Variants in CMTM4 observed in about 807,000 individuals in gnomAD.
CMTM4 encodes CKLF like MARVEL transmembrane domain containing 4, also known as CKLF-like MARVEL transmembrane domain-containing protein 4.
Under a neutral mutation model 19.0 loss-of-function variants are expected in CMTM4, and 8 were observed. The ratio of observed to expected loss-of-function variants is 0.42; its 90% CI spans 0.25 to 0.76. The LOEUF is 0.76. Ranked by LOEUF, CMTM4 falls within the 30% of genes least tolerant of loss-of-function variation. The pLI, the probability that CMTM4 is intolerant of heterozygous loss-of-function variation, is 0.27. For missense variants in CMTM4, 228 were observed against 290.2 expected, an observed-to-expected ratio of 0.79 and a Z score of 1.56; for synonymous variants, 106 against 121.1, an observed-to-expected ratio of 0.88 and a Z score of 0.82.
intron 1 of CMTM4, among the ~76,000 whole-genome samples, chr16:66,680,616 T>C (rs919187018): frequency 6.7e-6 from 1 of 149,510 alleles, no homozygotes; most frequent in African/African-American, 2.5e-5. Flanking sequence ...CTACTAAAAA[T>C]ACAAAATATT....
At position 66,621,236 on chromosome 16, in the gene CMTM4, G is replaced by T; in HGVS notation, c.*822C>A. On this transcript the variant is annotated 3_prime_UTR_variant, in exon 4 of 4. Transcript: ENST00000394106. ...TGCGGTTCATGAAGCCAGCAAATGG[G>T]CAAGTGCTTTGGCTGGTGGAGTAGG... is the stretch of plus-strand genomic sequence containing the variant. 1.0e-6 allele frequency: 1 copy of T among 985,586 alleles called. No homozygotes were observed. Among genetic ancestry groups the T allele is most frequent in the Non-Finnish European group, 1.2e-6 (1 of 829,942 alleles). 61.1% of individuals were successfully genotyped at this position (985,586 alleles called of 1,614,324 possible).
chr16:66,631,472 G>A (rs2015869629), intron 2 of CMTM4, among the ~76,000 whole-genome samples: 1 of 152,246 alleles, frequency 6.6e-6, no homozygotes, highest in Non-Finnish European at 1.5e-5. Flanking sequence ...GACAATGGCA[G>A]TGTTGTGGAA....
chr16:66,629,248 T>G (rs1051007108), intron 2 of CMTM4, among the ~76,000 whole-genome samples: 1 of 151,588 alleles, frequency 6.6e-6, no homozygotes, highest in Non-Finnish European at 1.5e-5. Context: ...GGCTCTAGCC[T>G]CTGTCCTATC....
intron 1 of CMTM4, among the ~76,000 whole-genome samples, chr16:66,648,951 G>A (rs559963976): frequency 7.2e-5 from 11 of 152,268 alleles, no homozygotes; most frequent in African/African-American, 2.6e-4. Context: ...CAGCCTGGCT[G>A]ACAGAGCGAG....
At chr16:66,671,983 A>G (rs747776412) in intron 1 of CMTM4, among the ~76,000 whole-genome samples, 10 of 152,180 alleles carry the variant, frequency 6.6e-5, no homozygotes, top group African/African-American at 9.7e-5. Flanking sequence ...AGCCATGATC[A>G]TGACTGCACT....
rs1193268534 is a variant in CMTM4 at position 66,643,230 on chromosome 16, AT to A, written c.187-6650del. Among the ~76,000 whole-genome samples, 5 of 152,122 alleles carry A rather than the reference AT, an allele frequency of 3.3e-5. No homozygotes were observed. The East Asian group carries it at 9.6e-4, about 29-fold the overall frequency. On this transcript the variant is annotated intron_variant, in intron 1 of 3. Coordinates refer to ENST00000394106, the MANE Select transcript of CMTM4 (RefSeq NM_181521.3). ...GCCACTGCACCCAGCCACAGTGGGC[AT>A]TTTTGGCATTCAGCTAACTGGAAGT...
chr16:66,677,577 C>T (rs1397650569), intron 1 of CMTM4, among the ~76,000 whole-genome samples: 1 of 152,214 alleles, frequency 6.6e-6, no homozygotes, highest in Non-Finnish European at 1.5e-5. Context: ...CCACGGCCAC[C>T]TCATACCAAC....
chr16:66,669,994 C>A (rs1002499448), intron 1 of CMTM4, among the ~76,000 whole-genome samples: 52 of 152,210 alleles, frequency 3.4e-4, no homozygotes, highest in African/African-American at 1.1e-3. Context: ...AATTTTGCCA[C>A]TTAATCATGA....
chr16:66,602,947 T>G, the CMTM4 span, among the ~76,000 whole-genome samples: 4 of 152,206 alleles, frequency 2.6e-5, no homozygotes, highest in African/African-American at 9.7e-5. Context: ...CCATATATAA[T>G]AGTATACTTA....
chr16:66,683,542 C>T (rs576371667), intron 1 of CMTM4, among the ~76,000 whole-genome samples: 4 of 151,688 alleles, frequency 2.6e-5, no homozygotes, highest in South Asian at 2.1e-4. Context: ...CCGCCTGCCT[C>T]GGTCTCCCAA....
intron 1 of CMTM4, among the ~76,000 whole-genome samples, chr16:66,691,323 C>A (rs535976235): frequency 1.3e-5 from 2 of 151,898 alleles, no homozygotes; most frequent in Admixed American, 1.3e-4. Context: ...AAAATTCACA[C>A]AAGGAGGAAG....
rs2015618260 is a variant in CMTM4, at chr16:66,620,855, T to C, written c.*1203A>G. On this transcript the variant is annotated 3_prime_UTR_variant, in exon 4 of 4. Transcript: ENST00000394106. ...ATTTTTTAAAAAAACTACTGCATCA[T>C]GGGGACTCACTGAACTCATTCACCA... The C allele has an allele frequency of 1.0e-6, 1 of 985,726 alleles. No homozygotes were observed. Among genetic ancestry groups the C allele is most frequent in the Non-Finnish European group, 1.2e-6 (1 of 829,904 alleles). The allele number at this position is 985,726 out of a possible 1,614,324, so 61.1% of individuals were successfully genotyped here. A position where few individuals can be genotyped will look rare whatever the true frequency, so the allele number is the denominator to read the frequency against.
At chr16:66,608,297 C>T in the CMTM4 span, 1 of 1,613,840 alleles carries the variant, frequency 6.2e-7, no homozygotes, top group Non-Finnish European at 8.5e-7. This position sits in a 1 kb window ranked among gnomAD's most constrained non-coding sequence, Gnocchi z 5.1. Context: ...ACCTCAAACT[C>T]CTTCCCCGCA....
intron 2 of CMTM4, among the ~76,000 whole-genome samples, chr16:66,631,031 C>T (rs1327483720): frequency 2.0e-5 from 3 of 151,852 alleles, no homozygotes; most frequent in Non-Finnish European, 4.4e-5. Context: ...GCGGCCGCCC[C>T]ATCTGAGAAG....
chr16:66,607,526 A>G, the CMTM4 span, among the ~76,000 whole-genome samples: 4 of 152,126 alleles, frequency 2.6e-5, no homozygotes, highest in Non-Finnish European at 5.9e-5. Context: ...AATAAATTGC[A>G]GACATCAGGA....
At chr16:66,678,046 C>T (rs184890210) in intron 1 of CMTM4, among the ~76,000 whole-genome samples, 1 of 152,018 alleles carries the variant, frequency 6.6e-6, no homozygotes, top group Non-Finnish European at 1.5e-5. Flanking sequence ...GGTGTGGTGG[C>T]ACGTGCCTAT....
intron 1 of CMTM4, among the ~76,000 whole-genome samples, chr16:66,681,090 C>T (rs2016906827): frequency 6.6e-6 from 1 of 151,954 alleles, no homozygotes; most frequent in South Asian, 2.1e-4. Flanking sequence ...TTATGCAATC[C>T]AATATATCCA....
chr16:66,608,218 C>T, the CMTM4 span: 1 of 1,461,886 alleles, frequency 6.8e-7, no homozygotes. The surrounding 1 kb of genome is among the most constrained non-coding windows in gnomAD (Gnocchi z 5.1). Context: ...GCTGGAACCT[C>T]CTCTATCCTG....
the CMTM4 span, among the ~76,000 whole-genome samples, chr16:66,600,136 G>GTGTGTGGT: frequency 2.2e-5 from 3 of 135,166 alleles, no homozygotes; most frequent in East Asian, 4.5e-4. Flanking sequence ...GTGTGTGTGT[G>GTGTGTGGT]TTTTTTTTTG....
Sources: gnomAD v4.1 joint callset for allele counts (sites outside exome capture counted in the v4.1 genomes callset) on GRCh38, gnomAD v4.1.1 for gene constraint, Gnocchi (gnomAD v3.1) non-coding constraint, MANE v1.5 for transcripts, NCBI Gene and HGNC (gene_info 2026-07-23, HGNC 2026-07-21) for gene names.